Variants in NTRK2 observed in about 807,000 individuals in gnomAD.
NTRK2 encodes BDNF/NT-3 growth factors receptor.
In NTRK2, 13 loss-of-function variants were observed where a neutral mutation model predicts 94.5. The observed-to-expected ratio is 0.14, with a 90% CI of 0.09 to 0.22. The LOEUF (loss-of-function observed/expected upper bound fraction) is 0.22. Ranked by LOEUF, NTRK2 falls within the 10% of genes least tolerant of loss-of-function variation. The pLI is 1.00. For missense variants in NTRK2, 639 were observed against 1,071.2 expected, an observed-to-expected ratio of 0.60 and a Z score of 5.63; for synonymous variants, 372 against 407.4, an observed-to-expected ratio of 0.91 and a Z score of 1.05.
intron 16 of NTRK2, among the ~76,000 whole-genome samples, chr9:84,954,279 C>A (rs747859945): frequency 2.0e-5 from 3 of 152,186 alleles, no homozygotes; most frequent in Admixed American, 6.5e-5. Context: ...CCACCAGGGG[C>A]AATGACGCTC....
intron 17 of NTRK2, among the ~76,000 whole-genome samples, chr9:84,986,477 G>A (rs76284074): frequency 0.019 from 2,884 of 152,208 alleles, 53 homozygotes; most frequent in Middle Eastern, 0.044. Flanking sequence ...GATAGGAGGC[G>A]GACCCCAGGC....
chr9:84,749,689 A>AAT (rs2064414069), intron 11 of NTRK2, among the ~76,000 whole-genome samples: 2 of 152,356 alleles, frequency 1.3e-5, no homozygotes, highest in Admixed American at 1.3e-4. Context: ...GAGGATTTAC[A>AAT]ATAACCTACA....
intron 17 of NTRK2, among the ~76,000 whole-genome samples, chr9:84,976,264 G>A (rs4344159): frequency 0.22 from 33,052 of 152,066 alleles, 4,308 homozygotes; most frequent in African/African-American, 0.37. Context: ...GCTTGCAGAC[G>A]GCCACCTTCT....
chr9:84,721,813 T>C (rs1564124232), intron 6 of NTRK2, among the ~76,000 whole-genome samples: 1 of 152,228 alleles, frequency 6.6e-6, no homozygotes, highest in African/African-American at 2.4e-5. Flanking sequence ...TGAATCTTTT[T>C]CGTAATTTTT....
chr9:84,956,204 C>T (rs959448250), intron 17 of NTRK2, among the ~76,000 whole-genome samples: 4 of 152,168 alleles, frequency 2.6e-5, no homozygotes, highest in Admixed American at 2.0e-4. Flanking sequence ...TCCCTCCAAG[C>T]GCCATCTTGG....
intron 14 of NTRK2, among the ~76,000 whole-genome samples, chr9:84,922,287 C>G (rs1387539315): frequency 6.6e-6 from 1 of 152,204 alleles, no homozygotes; most frequent in Non-Finnish European, 1.5e-5. Context: ...CGTTCTCTTT[C>G]CAACCAACAC....
rs1220986570 is a variant in NTRK2 at position 85,021,637 on chromosome 9, A to AT, written c.*202dup. On this transcript the variant is annotated 3_prime_UTR_variant, in exon 19 of 19. Transcript: ENST00000277120. ...GACACAGTATTGACTTCTTTTTGGC[A>AT]TTATCTCTTTCTCTCTTTCCATCTC... The AT allele has an allele frequency of 6.6e-5, 41 of 618,522 alleles. No homozygotes were observed. Among genetic ancestry groups the AT allele is most frequent in the Admixed American group, 6.0e-4 (23 of 38,578 alleles). The allele number at this position is 618,522 out of a possible 1,614,324, so 38.3% of individuals were successfully genotyped here.
chr9:84,960,021 T>C (rs915926543), intron 17 of NTRK2, among the ~76,000 whole-genome samples: 4 of 152,184 alleles, frequency 2.6e-5, no homozygotes, highest in African/African-American at 9.7e-5. Flanking sequence ...GTTGGAGTGG[T>C]AAGAAACCCT....
chr9:84,894,965 C>T (rs1210990102), intron 14 of NTRK2, among the ~76,000 whole-genome samples: 3 of 152,072 alleles, frequency 2.0e-5, no homozygotes, highest in African/African-American at 2.4e-5. Context: ...ATGATTCAAG[C>T]TTATCTAAGC....
At chr9:84,781,511 G>A (rs960664492) in intron 12 of NTRK2, among the ~76,000 whole-genome samples, 13 of 151,670 alleles carry the variant, frequency 8.6e-5, no homozygotes, top group East Asian at 5.8e-4. Flanking sequence ...TTTGCTTCCC[G>A]TTGAAAATGT....
chr9:84,909,950 A>T (rs1423284975), intron 14 of NTRK2, among the ~76,000 whole-genome samples: 2 of 152,106 alleles, frequency 1.3e-5, no homozygotes, highest in African/African-American at 4.8e-5. Flanking sequence ...CCAATTTGTT[A>T]ATTTTTCCTT....
At chr9:84,978,673 C>G (rs1211260138) in intron 17 of NTRK2, among the ~76,000 whole-genome samples, 1 of 152,184 alleles carries the variant, frequency 6.6e-6, no homozygotes, top group Admixed American at 6.5e-5. Context: ...GACAAAACAG[C>G]CTTCTATTGA....
At chr9:84,951,021 G>T (rs1385765379) in intron 16 of NTRK2, among the ~76,000 whole-genome samples, 1 of 152,202 alleles carries the variant, frequency 6.6e-6, no homozygotes, top group East Asian at 1.9e-4. Flanking sequence ...AGACACTGCA[G>T]TTTAAGTAAT....
chr9:84,932,727 C>A (rs1281391252), intron 14 of NTRK2, among the ~76,000 whole-genome samples: 2 of 152,128 alleles, frequency 1.3e-5, no homozygotes, highest in Non-Finnish European at 2.9e-5. Context: ...TACGAACAAG[C>A]TATGACAGAA....
At chr9:84,769,314 T>C (rs1339342148) in intron 12 of NTRK2, among the ~76,000 whole-genome samples, 2 of 152,202 alleles carry the variant, frequency 1.3e-5, no homozygotes, top group African/African-American at 4.8e-5. Context: ...TTCATAATAG[T>C]ACATTAGTTA....
chr9:84,758,007 C>A (rs748100851), intron 12 of NTRK2, among the ~76,000 whole-genome samples: 2 of 152,096 alleles, frequency 1.3e-5, no homozygotes, highest in Admixed American at 6.5e-5. Context: ...TATTATCAAT[C>A]TTTTGGCTAT....
chr9:84,989,248 T>A (rs533452818), intron 17 of NTRK2, among the ~76,000 whole-genome samples: 1 of 152,220 alleles, frequency 6.6e-6, no homozygotes, highest in Admixed American at 6.5e-5. Context: ...CACTAAATAC[T>A]TCTCTGAAAA....
chr9:84,966,313 C>T (rs967778455), intron 17 of NTRK2, among the ~76,000 whole-genome samples: 4 of 152,160 alleles, frequency 2.6e-5, no homozygotes, highest in Non-Finnish European at 5.9e-5. Context: ...GATTTTTGGG[C>T]TTCACTTTAC....
intron 17 of NTRK2, among the ~76,000 whole-genome samples, chr9:84,980,540 G>A (rs1285491492): frequency 1.3e-5 from 2 of 152,200 alleles, no homozygotes; most frequent in African/African-American, 4.8e-5. Context: ...CCAGCCTTGA[G>A]AAGATAATGA....
Sources: gnomAD v4.1 joint callset for allele counts (sites outside exome capture counted in the v4.1 genomes callset) on GRCh38, gnomAD v4.1.1 for gene constraint, MANE v1.5 for transcripts, NCBI Gene and HGNC (gene_info 2026-07-23, HGNC 2026-07-21) for gene names.